ALPK1: variants seen among roughly 807,000 people sequenced by gnomAD.
ALPK1 encodes the protein alpha-protein kinase 1.
ALPK1 carries 110 observed loss-of-function variants against 120.6 expected under a neutral mutation model. That is an observed-to-expected ratio of 0.91 (90% CI 0.78 to 1.07). The LOEUF is 1.07. ALPK1 is among the 50% of genes least tolerant of loss of function. The pLI is 0.00. For synonymous variants in ALPK1, 582 were observed against 560.3 expected (o/e 1.04, Z -0.55); for missense variants, 1,498 against 1,483.9 (o/e 1.01, Z -0.16).
chr4:112,384,528 T>TG (rs1314246086), intron 4 of ALPK1: 3 of 152,348 alleles, frequency 2.0e-5, no homozygotes, highest in South Asian at 4.1e-4. Flanking sequence ...TCTAAAGCAG[T>TG]GGCTATAAAT....
intron 4 of ALPK1, among the ~76,000 whole-genome samples, chr4:112,404,427 T>C (rs923265947): frequency 2.0e-5 from 3 of 152,170 alleles, no homozygotes; most frequent in Admixed American, 6.5e-5. Context: ...GCACCACAAA[T>C]GAATATTATC....
intron 2 of ALPK1, among the ~76,000 whole-genome samples, chr4:112,371,335 C>A (rs1316634647): frequency 2.0e-5 from 3 of 152,194 alleles, no homozygotes; most frequent in Non-Finnish European, 4.4e-5. Context: ...TTTCCTAGCA[C>A]TCTTAAGGTG....
At chr4:112,329,319 T>C (rs1729258012) in intron 2 of ALPK1, among the ~76,000 whole-genome samples, 1 of 152,240 alleles carries the variant, frequency 6.6e-6, no homozygotes, top group South Asian at 2.1e-4. Flanking sequence ...CCAATCCATT[T>C]ATTTTTACCA....
intron 2 of ALPK1, among the ~76,000 whole-genome samples, chr4:112,339,734 T>C (rs756716765): frequency 3.3e-4 from 50 of 152,240 alleles, no homozygotes; most frequent in Non-Finnish European, 6.0e-4. Context: ...TGTCTTTGTC[T>C]ATGAAAAAGT....
intron 4 of ALPK1, among the ~76,000 whole-genome samples, chr4:112,404,244 T>C (rs1733065377): frequency 6.6e-6 from 1 of 152,232 alleles, no homozygotes; most frequent in African/African-American, 2.4e-5. Context: ...CCACTGAAAC[T>C]CACTTTGGGA....
intron 2 of ALPK1, among the ~76,000 whole-genome samples, chr4:112,351,821 T>C (rs1476266319): frequency 6.6e-6 from 1 of 152,222 alleles, no homozygotes; most frequent in African/African-American, 2.4e-5. Context: ...AAGTTGAATT[T>C]CCTGGCAATC....
At chr4:112,416,001 T>C (rs976967162) in intron 5 of ALPK1, among the ~76,000 whole-genome samples, 2 of 152,208 alleles carry the variant, frequency 1.3e-5, no homozygotes, top group African/African-American at 4.8e-5. Flanking sequence ...CAAATCATAA[T>C]AAAAATTTCT....
chr4:112,407,223 A>T (rs2148745944), intron 4 of ALPK1, among the ~76,000 whole-genome samples: 1 of 152,328 alleles, frequency 6.6e-6, no homozygotes, highest in South Asian at 2.1e-4. Context: ...ATGTCTGAAG[A>T]TCTGTTTTGC....
At chr4:112,363,966 G>C (rs1731026484) in intron 2 of ALPK1, among the ~76,000 whole-genome samples, 1 of 152,120 alleles carries the variant, frequency 6.6e-6, no homozygotes, top group Non-Finnish European at 1.5e-5. Context: ...CGATTGTTGG[G>C]TCAACAGTAA....
chr4:112,425,921 A>G, intron 7 of ALPK1, 170 bp downstream of exon 7: 1 of 500,348 alleles, frequency 2.0e-6, no homozygotes, highest in Non-Finnish European at 3.6e-6. Flanking sequence ...TGTCACAAAT[A>G]TTAATAAAAT....
At chr4:112,412,462 G>T (rs774776078) in intron 5 of ALPK1, 8 of 457,926 alleles carry the variant, frequency 1.7e-5, no homozygotes, top group South Asian at 1.2e-4. Context: ...ACCCACTGAA[G>T]TAATTTGAGG....
At chr4:112,414,608 CAAAA>C in intron 5 of ALPK1, 2 of 146,454 alleles carry the variant, frequency 1.4e-5, no homozygotes, top group South Asian at 1.9e-4. Context: ...GACTTCGTCT[CAAAA>C]AAAAAAAAAG....
chr4:112,308,535 C>G (rs1165214714), intron 1 of ALPK1, among the ~76,000 whole-genome samples: 1 of 152,034 alleles, frequency 6.6e-6, no homozygotes, highest in Non-Finnish European at 1.5e-5. Context: ...TCCAGTTGAT[C>G]GAATCGGCTA....
At chr4:112,415,635 A>C (rs1033324748) in intron 5 of ALPK1, among the ~76,000 whole-genome samples, 8 of 88,816 alleles carry the variant, frequency 9.0e-5, no homozygotes, top group African/African-American at 2.9e-4. Flanking sequence ...ACTCTGTCTC[A>C]AAAAAAAAAA....
rs1734893227 is a variant in ALPK1, at chr4:112,438,660, G to A, written c.3351+14G>A. The A allele has an allele frequency of 6.2e-7, 1 of 1,608,222 alleles. No homozygotes were observed. The highest frequency in any genetic ancestry group is 1.3e-5 in the African/African-American group (1 of 74,696). ...ACAATACTACTGGTAAGATTATCCT[G>A]AACACATCATTTGGATCTTCCAAAT... is the stretch of plus-strand genomic sequence containing the variant. On this transcript the variant is annotated intron_variant, in intron 13 of 15. Transcript: ENST00000650871.
intron 2 of ALPK1, among the ~76,000 whole-genome samples, chr4:112,372,870 C>A (rs1484255126): frequency 6.6e-6 from 1 of 152,162 alleles, no homozygotes; most frequent in African/African-American, 2.4e-5. Context: ...GGGAATGATA[C>A]AGCACTAAGA....
Position 112,432,210 on chromosome 4 carries a change from C to T in ALPK1, c.2663C>T (p.Pro888Leu), listed in dbSNP as rs987171940. The T allele has an allele frequency of 6.2e-7, 1 of 1,614,192 alleles. No individual in the cohort carries two copies. The highest frequency in any genetic ancestry group is 1.7e-5 in the Admixed American group (1 of 60,018). The change falls in exon 11 of 16, where the codon CCC (proline) becomes CTC (leucine). Residue 888 changes from proline (P) to leucine (L), a missense_variant. Physicochemically the swap from Pro to Leu is moderately conservative, Grantham distance 98. Transcript: ENST00000650871. ...RQPPGQRAET[P>L]NSSVSGNILF... Reference sequence around the variant, plus strand: ...CCGCCTGGTCAGAGGGCGGAGACCCCCAATTCCTCTGTAAGCGGTAACATC... The same window carrying T: ...CCGCCTGGTCAGAGGGCGGAGACCCTCAATTCCTCTGTAAGCGGTAACATC...
At chr4:112,355,301 A>G (rs1393261051) in intron 2 of ALPK1, among the ~76,000 whole-genome samples, 1 of 152,190 alleles carries the variant, frequency 6.6e-6, no homozygotes, top group African/African-American at 2.4e-5. Flanking sequence ...GTAAAATTAT[A>G]TGTTTCAAGT....
intron 2 of ALPK1, chr4:112,356,275 G>A (rs1189656859): frequency 2.5e-6 from 3 of 1,183,362 alleles, no homozygotes; most frequent in Non-Finnish European, 2.5e-6. Context: ...CAGGCAAGAC[G>A]CTGTGCCTCC....
Sources: gnomAD v4.1 joint callset for allele counts (sites outside exome capture counted in the v4.1 genomes callset) on GRCh38, gnomAD v4.1.1 for gene constraint, MANE v1.5 for transcripts, NCBI Gene and HGNC (gene_info 2026-07-23, HGNC 2026-07-21) for gene names.